NRG3: variants seen among roughly 807,000 people sequenced by gnomAD.
The protein encoded by NRG3 is neuregulin 3.
Under a neutral mutation model 66.9 loss-of-function variants are expected in NRG3, and 31 were observed. That is an observed-to-expected ratio of 0.46 (90% CI 0.35 to 0.63). The LOEUF (loss-of-function observed/expected upper bound fraction) is 0.63, where lower values mean the gene tolerates loss of function less well. Ranked by LOEUF, NRG3 falls within the 20% of genes least tolerant of loss-of-function variation. The probability of loss-of-function intolerance (pLI) is 0.00; values close to 1 mark genes in which losing one functional copy is unlikely to be tolerated. For synonymous variants in NRG3, 393 were observed against 359.4 expected, an observed-to-expected ratio of 1.09 and a Z score of -1.06; for missense variants, 910 against 878.9, an observed-to-expected ratio of 1.04 and a Z score of -0.45.
intron 2 of NRG3, among the ~76,000 whole-genome samples, chr10:82,365,069 A>G (rs933693455): frequency 2.0e-5 from 3 of 152,316 alleles, no homozygotes; most frequent in Admixed American, 6.5e-5. Flanking sequence ...CAATTCTACG[A>G]TATAACAGGA....
rs573569602 is a variant in NRG3, at chr10:81,993,254, T to C, written c.823+117091T>C. Among the ~76,000 whole-genome samples, 11 of 152,314 alleles carry C rather than the reference T, an allele frequency of 7.2e-5. 1 individual carries two copies. Among genetic ancestry groups the C allele is most frequent in the African/African-American group, 2.6e-4 (11 of 41,590 alleles). On this transcript the variant is annotated intron_variant, in intron 1 of 8. Coordinates refer to ENST00000372141, the MANE Select transcript of NRG3 (RefSeq NM_001010848.4). ...GAAAGATATAGTCTACTGTTCTCAT[T>C]TTACAGTTGTTGAAACTAAAGCCTA...
At position 81,875,759 on chromosome 10, in the gene NRG3, C is replaced by G. The variant is rs764443459; in HGVS notation, c.419C>G (p.Pro140Arg). 6.2e-7 allele frequency: 1 copy of G among 1,612,454 alleles called. No individual in the cohort carries two copies. The highest frequency in any genetic ancestry group is 8.5e-7 in the Non-Finnish European group (1 of 1,179,744). Reference sequence around the variant, plus strand: ...ACTTCCACCACGTCCCCCGCCACCCCCTCCGCCGGGGGTGCCGCCTCCTCC... The same window carrying G: ...ACTTCCACCACGTCCCCCGCCACCCGCTCCGCCGGGGGTGCCGCCTCCTCC... The part of the protein sequence containing the change: ...TTTSTTSPAT[P>R]SAGGAASSRT... Residue 140 changes from proline to arginine, a missense_variant, in exon 1 of 9, where the codon CCC (proline) becomes CGC (arginine). Coordinates refer to ENST00000372141, the MANE Select transcript of NRG3 (RefSeq NM_001010848.4). The surrounding 1 kb of genome is among the most constrained non-coding windows in gnomAD (Gnocchi z 5.3).
intron 1 of NRG3, among the ~76,000 whole-genome samples, chr10:82,044,007 T>C (rs2063153362): frequency 6.6e-6 from 1 of 152,078 alleles, no homozygotes. Flanking sequence ...ATTTCATTTT[T>C]GGTGAATGAG....
chr10:82,887,969 A>G (rs2136103615), intron 4 of NRG3, among the ~76,000 whole-genome samples: 1 of 152,392 alleles, frequency 6.6e-6, no homozygotes, highest in East Asian at 1.9e-4. Context: ...GTTACTTTGA[A>G]TAATACACAT....
At chr10:82,491,317 A>ATATATATATATATATATATATATATAT (rs1564985027) in intron 2 of NRG3, among the ~76,000 whole-genome samples, 19 of 32,988 alleles carry the variant, frequency 5.8e-4, no homozygotes, top group African/African-American at 1.1e-3. Flanking sequence ...TATATATATA[A>ATATATATATATATATATATATATATAT]AATAAAGATG....
In NRG3 at chr10:82,724,816, C is replaced by G. The variant is rs537233678; in HGVS notation, c.954-13761C>G. ...TGTTTGCTAATGAGCTCTGTCTCTC[C>G]TTTATAATGTCAATCATAAGGATGC... On this transcript the variant is annotated intron_variant, in intron 2 of 8. Transcript: ENST00000372141. Among the ~76,000 whole-genome samples the G allele has an allele frequency of 3.5e-3, 538 of 152,280 alleles. 5 individuals are homozygous for G. Among genetic ancestry groups the G allele is most frequent in the African/African-American group, 0.013 (522 of 41,560 alleles).
Position 82,978,942 on chromosome 10 carries a change from C to T in NRG3, c.1413-8C>T. On this transcript the variant is annotated splice_polypyrimidine_tract_variant and splice_region_variant and intron_variant, in intron 7 of 8. Coordinates refer to ENST00000372141, the MANE Select transcript of NRG3 (RefSeq NM_001010848.4). ...GTTTGTTTGTCTGTTTTCATTCCAC[C>T]CCAGCAGGAGTCTATCCTCTTGCTG... 1 of 1,612,234 alleles carries T rather than the reference C, an allele frequency of 6.2e-7. No homozygotes were observed.
chr10:82,117,903 T>A (rs948265915), intron 1 of NRG3, among the ~76,000 whole-genome samples: 10 of 152,194 alleles, frequency 6.6e-5, no homozygotes, highest in Non-Finnish European at 1.0e-4. Flanking sequence ...TGTGCTTACA[T>A]TTCGCCTTCA....
chr10:82,323,377 T>G (rs1043889659), intron 1 of NRG3, among the ~76,000 whole-genome samples: 1 of 152,206 alleles, frequency 6.6e-6, no homozygotes, highest in African/African-American at 2.4e-5. Context: ...TTAGTCATGG[T>G]TCAAAGAAAA....
chr10:82,437,816 T>G (rs1287337695), intron 2 of NRG3, among the ~76,000 whole-genome samples: 1 of 152,156 alleles, frequency 6.6e-6, no homozygotes, highest in Non-Finnish European at 1.5e-5. Flanking sequence ...TCTATAGGGC[T>G]GCTGCAGTTT....
chr10:82,545,411 C>T (rs1171801791), intron 2 of NRG3, among the ~76,000 whole-genome samples: 5 of 135,776 alleles, frequency 3.7e-5, no homozygotes, highest in African/African-American at 1.4e-4. Flanking sequence ...CGGAGTCTCT[C>T]TCTGTCGCCC....
intron 1 of NRG3, among the ~76,000 whole-genome samples, chr10:82,005,258 G>T (rs1483490517): frequency 6.6e-5 from 10 of 152,146 alleles, no homozygotes; most frequent in Admixed American, 6.5e-4. Context: ...ATTAATTAGT[G>T]CCAAAAGCTA....
At chr10:82,013,751 C>T (rs1279273533) in intron 1 of NRG3, among the ~76,000 whole-genome samples, 2 of 152,008 alleles carry the variant, frequency 1.3e-5, no homozygotes, top group African/African-American at 4.8e-5. Flanking sequence ...CTCTGCTATA[C>T]TACATGCAAT....
rs147268010 is a variant in NRG3 at position 82,071,625 on chromosome 10, G to A, written c.823+195462G>A. Among the ~76,000 whole-genome samples the A allele has an allele frequency of 2.2e-3, 333 of 152,250 alleles. 1 individual carries two copies. Among genetic ancestry groups the A allele is most frequent in the African/African-American group, 7.7e-3 (321 of 41,546 alleles). On this transcript the variant is annotated intron_variant, in intron 1 of 8. Coordinates refer to ENST00000372141, the MANE Select transcript of NRG3 (RefSeq NM_001010848.4). The stretch of plus-strand genomic sequence containing the variant: ...GCAGAGAATGAAGAGAACCCCATAG[G>A]CCATTGTGAGGATGCGGGCTTTTTA...
Position 82,716,597 on chromosome 10 carries a change from G to A in NRG3, c.954-21980G>A, listed in dbSNP as rs186657094. 8.5e-5 allele frequency among the ~76,000 whole-genome samples: 13 copies of A among 152,240 alleles called. No individual in the cohort carries two copies. In the East Asian group the frequency reaches 2.1e-3, roughly 25 times the overall value. On this transcript the variant is annotated intron_variant, in intron 2 of 8. Coordinates refer to ENST00000372141, the MANE Select transcript of NRG3 (RefSeq NM_001010848.4). ...TGATAAGAACTAAACAGTGACCCCTGATAAATTAACGTTTCTTTGTCCAAA... is the reference window on the plus strand; with the variant it reads ...TGATAAGAACTAAACAGTGACCCCTAATAAATTAACGTTTCTTTGTCCAAA...
At chr10:82,825,304 T>C (rs1381034968) in intron 3 of NRG3, among the ~76,000 whole-genome samples, 3 of 152,188 alleles carry the variant, frequency 2.0e-5, no homozygotes, top group Admixed American at 2.0e-4. Flanking sequence ...TAATTTCAGC[T>C]CTTATATTTA....
chr10:82,881,760 G>T (rs1337061567), intron 4 of NRG3, among the ~76,000 whole-genome samples: 1 of 152,068 alleles, frequency 6.6e-6, no homozygotes, highest in African/African-American at 2.4e-5. Flanking sequence ...ACCGCTGATG[G>T]TTCATTAATA....
At chr10:82,841,259 C>A (rs1389634780) in intron 3 of NRG3, among the ~76,000 whole-genome samples, 1 of 152,116 alleles carries the variant, frequency 6.6e-6, no homozygotes, top group Non-Finnish European at 1.5e-5. Flanking sequence ...GGACTTCTAG[C>A]CTCTAGAATT....
chr10:82,657,865 A>G (rs1285614017), intron 2 of NRG3, among the ~76,000 whole-genome samples: 1 of 151,690 alleles, frequency 6.6e-6, no homozygotes, highest in Non-Finnish European at 1.5e-5. Context: ...TATTTAGAAA[A>G]GAAATTGAAT....
Sources: gnomAD v4.1 joint callset for allele counts (sites outside exome capture counted in the v4.1 genomes callset) on GRCh38, gnomAD v4.1.1 for gene constraint, Gnocchi (gnomAD v3.1) non-coding constraint, MANE v1.5 for transcripts, NCBI Gene and HGNC (gene_info 2026-07-23, HGNC 2026-07-21) for gene names.